Variants in DNAH5 observed in about 807,000 individuals in gnomAD.
The protein encoded by DNAH5 is dynein axonemal heavy chain 5, also known as axonemal beta dynein heavy chain 5.
DNAH5 carries 372 observed loss-of-function variants against 518.2 expected under a neutral mutation model. The observed-to-expected ratio is 0.72, with a 90% CI of 0.66 to 0.78. DNAH5 has a LOEUF of 0.78. Ranked by LOEUF, DNAH5 falls within the 30% of genes least tolerant of loss-of-function variation. DNAH5 has a pLI of 0.00. For synonymous variants in DNAH5, 2,039 were observed against 2,025.9 expected (o/e 1.01, Z -0.17); for missense variants, 5,523 against 5,687.0 (o/e 0.97, Z 0.93).
At chr5:13,826,153 A>C (rs1357386662) in intron 38 of DNAH5, among the ~76,000 whole-genome samples, 2 of 152,204 alleles carry the variant, frequency 1.3e-5, no homozygotes, top group African/African-American at 4.8e-5. Flanking sequence ...GCATGAAGGG[A>C]AAGTCACAGA....
intron 38 of DNAH5, among the ~76,000 whole-genome samples, chr5:13,824,627 C>T (rs1466474544): frequency 6.6e-6 from 1 of 152,148 alleles, no homozygotes; most frequent in African/African-American, 2.4e-5. Context: ...TACAGACATC[C>T]CTTTGAGCTT....
intron 75 of DNAH5, among the ~76,000 whole-genome samples, chr5:13,712,122 C>A (rs745772097): frequency 2.0e-5 from 3 of 152,024 alleles, no homozygotes; most frequent in African/African-American, 4.8e-5. Flanking sequence ...TAAAAATAGG[C>A]ACATAGACCA....
intron 16 of DNAH5, among the ~76,000 whole-genome samples, chr5:13,891,423 A>C (rs1561517725): frequency 6.6e-6 from 1 of 152,106 alleles, no homozygotes; most frequent in Non-Finnish European, 1.5e-5. Context: ...CTCCTTAGGG[A>C]CTTTTAGCCA....
intron 46 of DNAH5, among the ~76,000 whole-genome samples, chr5:13,808,225 C>CA (rs56686032): frequency 0.15 from 12,329 of 84,772 alleles, 882 homozygotes; most frequent in Middle Eastern, 0.19. Flanking sequence ...GACTCCATCT[C>CA]AAAAAAAAAA....
chr5:13,755,130 A>C (rs999021094), intron 61 of DNAH5, among the ~76,000 whole-genome samples: 1 of 152,124 alleles, frequency 6.6e-6, no homozygotes, highest in Non-Finnish European at 1.5e-5. Flanking sequence ...AAACACAAAA[A>C]GCAAAAAACA....
chr5:13,864,307 G>A, intron 28 of DNAH5, 90 bp downstream of exon 28: 1 of 1,536,370 alleles, frequency 6.5e-7, no homozygotes, highest in Non-Finnish European at 9.0e-7. Flanking sequence ...TTGTCTGAGT[G>A]TAGTTTACTG....
intron 17 of DNAH5, among the ~76,000 whole-genome samples, chr5:13,887,393 G>T (rs563933419): frequency 1.3e-5 from 2 of 152,038 alleles, no homozygotes; most frequent in African/African-American, 4.8e-5. Context: ...GAATATAAAC[G>T]CAATGAGGAA....
chr5:13,961,659 A>G (rs1781193785), intron 1 of DNAH5, among the ~76,000 whole-genome samples: 2 of 152,110 alleles, frequency 1.3e-5, no homozygotes, highest in South Asian at 2.1e-4. Flanking sequence ...AAGAAAAAGA[A>G]AAAGAAAGAA....
chr5:13,751,121 A>T lies in DNAH5; in HGVS notation c.11168T>A (p.Leu3723Gln), dbSNP rs1554033862. Reference sequence around the variant, plus strand: ...GACCCTCCCCAGTAACTGATCTTCTAGACCTTTCATGGTGACAGTGAAGTC... The same window carrying T: ...GACCCTCCCCAGTAACTGATCTTCTTGACCTTTCATGGTGACAGTGAAGTC... ...IIDFTVTMKG[L>Q]EDQLLGRVIL... is the part of the protein sequence containing the mutation. Residue 3723 changes from leucine (L) to glutamine (Q), a missense_variant, in exon 65 of 79, where the codon CTA (leucine) becomes CAA (glutamine). By Grantham distance (113) the Leu-to-Gln change is moderately radical. Coordinates refer to ENST00000265104, the MANE Select transcript of DNAH5 (RefSeq NM_001369.3). 6.2e-7 allele frequency: 1 copy of T among 1,614,038 alleles called. No homozygotes were observed.
chr5:13,876,126 G>T (rs1218220431), intron 22 of DNAH5, among the ~76,000 whole-genome samples: 1 of 152,124 alleles, frequency 6.6e-6, no homozygotes, highest in Non-Finnish European at 1.5e-5. Flanking sequence ...ACAAAAAAGG[G>T]GAAGTTGAGA....
At chr5:13,918,713 C>T (rs925490479) in intron 7 of DNAH5, among the ~76,000 whole-genome samples, 2 of 152,168 alleles carry the variant, frequency 1.3e-5, no homozygotes, top group Admixed American at 1.3e-4. Context: ...TGTGATCCAC[C>T]TGCCTCGGCA....
chr5:13,837,238 CA>C (rs1764513852), intron 35 of DNAH5, among the ~76,000 whole-genome samples: 1 of 152,150 alleles, frequency 6.6e-6, no homozygotes, highest in Non-Finnish European at 1.5e-5. Context: ...ACAAAGTTAG[CA>C]GAGAGCCTGA....
At chr5:13,742,449 A>C (rs1201173754) in intron 65 of DNAH5, among the ~76,000 whole-genome samples, 1 of 152,132 alleles carries the variant, frequency 6.6e-6, no homozygotes, top group Non-Finnish European at 1.5e-5. Flanking sequence ...TGAAAGGTCC[A>C]AAAATTCTCA....
intron 24 of DNAH5, among the ~76,000 whole-genome samples, chr5:13,868,621 A>G (rs756509325): frequency 1.3e-5 from 2 of 152,166 alleles, no homozygotes; most frequent in African/African-American, 2.4e-5. Flanking sequence ...ACTCCTCCCC[A>G]TAGAGGTGGA....
At chr5:13,909,804 G>A (rs1005890011) in intron 12 of DNAH5, among the ~76,000 whole-genome samples, 2 of 152,056 alleles carry the variant, frequency 1.3e-5, no homozygotes, top group Non-Finnish European at 2.9e-5. Context: ...TATGAGCTGC[G>A]AGGGCATATC....
intron 50 of DNAH5, among the ~76,000 whole-genome samples, chr5:13,790,945 G>A (rs1175280252): frequency 6.6e-6 from 1 of 152,052 alleles, no homozygotes; most frequent in African/African-American, 2.4e-5. Flanking sequence ...GGAGAGAGAG[G>A]AGCAGAAAAG....
chr5:13,827,490 G>T lies in DNAH5; in HGVS notation c.6444+2020C>A, dbSNP rs564639358. On this transcript the variant is annotated intron_variant, in intron 38 of 78. Transcript: ENST00000265104. ...AGCCGCTCCAGCTGAGGCTAACAAT[G>T]CCTGTACCCCCATTGTATCTAGGGA... Among the ~76,000 whole-genome samples, 18 of 58,162 alleles carry T rather than the reference G, an allele frequency of 3.1e-4. 4 individuals carry two copies. Among genetic ancestry groups the T allele is most frequent in the African/African-American group, 1.4e-3 (18 of 12,682 alleles). 38.2% of individuals were successfully genotyped at this position (58,162 alleles called of 152,430 possible).
At chr5:13,882,602 A>C (rs1004667711) in intron 21 of DNAH5, 126 bp downstream of exon 21, 7 of 790,240 alleles carry the variant, frequency 8.9e-6, no homozygotes, top group Non-Finnish European at 1.3e-5. Context: ...TCAACTTCAA[A>C]TTGGCTCATA....
intron 76 of DNAH5, among the ~76,000 whole-genome samples, chr5:13,702,881 C>G (rs183451886): frequency 1.3e-5 from 2 of 152,202 alleles, no homozygotes; most frequent in East Asian, 3.9e-4. Context: ...GTCCTATCAC[C>G]TTCCCATTTA....
Sources: allele counts gnomAD v4.1 joint callset (sites outside exome capture counted in the v4.1 genomes callset), GRCh38; gene constraint gnomAD v4.1.1; transcripts MANE v1.5; gene names NCBI Gene and HGNC (gene_info 2026-07-23, HGNC 2026-07-21).